The following PRPF6 variants were observed in gnomAD, a reference collection of about 807,000 sequenced individuals.
The protein encoded by PRPF6 is pre-mRNA processing factor 6.
A neutral mutation model predicts 118.3 loss-of-function variants in PRPF6; 42 were observed. The ratio of observed to expected loss-of-function variants is 0.35; its 90% CI spans 0.28 to 0.46. The LOEUF (loss-of-function observed/expected upper bound fraction) is 0.46. PRPF6 is among the 20% of genes least tolerant of loss of function. The pLI, the probability that PRPF6 is intolerant of heterozygous loss-of-function variation, is 1.00. For missense variants in PRPF6, 662 were observed against 1,255.7 expected, an observed-to-expected ratio of 0.53 and a Z score of 7.15; for synonymous variants, 481 against 485.1, an observed-to-expected ratio of 0.99 and a Z score of 0.11.
At position 64,011,078 on chromosome 20, in the gene PRPF6, G is replaced by A. The variant is rs762591217; in HGVS notation, c.1306-207G>A. 6.6e-6 allele frequency among the ~76,000 whole-genome samples: 1 copy of A among 152,198 alleles called. No homozygotes were observed. The highest frequency in any genetic ancestry group is 1.9e-4 in the East Asian group (1 of 5,204). On this transcript the variant is annotated intron_variant, in intron 10 of 20. Transcript: ENST00000266079. This position sits in a 1 kb window ranked among gnomAD's most constrained non-coding sequence, Gnocchi z 6.7. Reference sequence around the variant, plus strand: ...CAACTGAGAATCTTTTGATGCTCACGAGAGTCACTAAATGAGTCAGAAGCA... The same window carrying A: ...CAACTGAGAATCTTTTGATGCTCACAAGAGTCACTAAATGAGTCAGAAGCA...
At chr20:64,016,236 C>T (rs1359978294) in intron 11 of PRPF6, among the ~76,000 whole-genome samples, 1 of 151,950 alleles carries the variant, frequency 6.6e-6, no homozygotes, top group Non-Finnish European at 1.5e-5. Flanking sequence ...ATTCTCCTGC[C>T]TCGGCCTCCC....
chr20:64,004,074 C>T (rs1453882665), intron 9 of PRPF6, among the ~76,000 whole-genome samples: 1 of 152,182 alleles, frequency 6.6e-6, no homozygotes, highest in Non-Finnish European at 1.5e-5. Flanking sequence ...TTCTTCCTGC[C>T]ACAGTTTGAT....
At chr20:64,008,227 C>T (rs567038041) in intron 9 of PRPF6, among the ~76,000 whole-genome samples, 1 of 152,258 alleles carries the variant, frequency 6.6e-6, no homozygotes, top group South Asian at 2.1e-4. Flanking sequence ...TGAACATTGC[C>T]GTTTGGTTGA....
chr20:63,985,683 A>G (rs116930546), intron 3 of PRPF6, among the ~76,000 whole-genome samples: 2,098 of 152,360 alleles, frequency 0.014, 17 homozygotes, highest in Non-Finnish European at 0.021. Flanking sequence ...AATGACACAT[A>G]CAAGCTACCA....
intron 11 of PRPF6, among the ~76,000 whole-genome samples, chr20:64,016,127 T>TC (rs1301542365): frequency 1.8e-4 from 28 of 151,926 alleles, no homozygotes; most frequent in African/African-American, 6.7e-4. Context: ...CTCTCTCTTT[T>TC]TTTTTTTTTT....
chr20:64,003,798 C>T (rs2059178259), intron 9 of PRPF6, among the ~76,000 whole-genome samples: 1 of 152,054 alleles, frequency 6.6e-6, no homozygotes, highest in African/African-American at 2.4e-5. Flanking sequence ...TGGGGTTTCA[C>T]CATGTTAGCC....
intron 13 of PRPF6, among the ~76,000 whole-genome samples, chr20:64,023,444 C>G (rs998267284): frequency 6.6e-6 from 1 of 152,210 alleles, no homozygotes; most frequent in Non-Finnish European, 1.5e-5. Flanking sequence ...GCATTGGGCT[C>G]GTGTCCCCAC....
At chr20:63,989,354 G>A (rs918619151) in intron 3 of PRPF6, among the ~76,000 whole-genome samples, 1 of 152,014 alleles carries the variant, frequency 6.6e-6, no homozygotes, top group Non-Finnish European at 1.5e-5. Flanking sequence ...CACAGGCAAC[G>A]AACGGAAGCC....
At chr20:64,030,024 G>A (rs559800112) in intron 19 of PRPF6, among the ~76,000 whole-genome samples, 3 of 152,372 alleles carry the variant, frequency 2.0e-5, no homozygotes, top group South Asian at 2.1e-4. Flanking sequence ...CACTGGGGAC[G>A]TGACTCTGGA....
chr20:63,981,647 C>CT (rs1168641472), intron 1 of PRPF6, among the ~76,000 whole-genome samples: 1 of 140,116 alleles, frequency 7.1e-6, no homozygotes, highest in Non-Finnish European at 1.6e-5. Context: ...TGACACTCCC[C>CT]CCCCCCGCCC....
At position 63,994,848 on chromosome 20, in the gene PRPF6, C is replaced by T. The variant is rs2059134305; in HGVS notation, c.439-68C>T. 19 of 1,597,966 alleles carry T rather than the reference C, an allele frequency of 1.2e-5. No homozygotes were observed. In the South Asian group the frequency reaches 2.1e-4, roughly 18 times the overall value. ...TCTGGAGGCTAGGGGTGAGAGAGGG[C>T]ATGGTCCTACCTGGGCACATGAAAT... On this transcript the variant is annotated intron_variant, in intron 4 of 20. Transcript: ENST00000266079.
Position 63,999,743 on chromosome 20 carries a change from C to G in PRPF6, c.1007C>G (p.Thr336Arg). The G allele has an allele frequency of 6.2e-7, 1 of 1,614,140 alleles. No homozygotes were observed. Among genetic ancestry groups the G allele is most frequent in the Non-Finnish European group, 8.5e-7 (1 of 1,180,012 alleles). The stretch of plus-strand genomic sequence containing the variant: ...GCTCGGAACCTTATCATGAAGGGGA[C>G]GGAGATGTGCCCCAAGGTGAGGTAT... ...QVARNLIMKG[T>R]EMCPKSEDVW... The change falls in exon 8 of 21, where the codon ACG (threonine) becomes AGG (arginine). Residue 336 changes from threonine (T) to arginine (R), a missense_variant. Transcript: ENST00000266079.
At chr20:64,020,528 T>C (rs1399911451) in intron 12 of PRPF6, among the ~76,000 whole-genome samples, 1 of 152,200 alleles carries the variant, frequency 6.6e-6, no homozygotes, top group Non-Finnish European at 1.5e-5. Context: ...CCAGGTGTCA[T>C]GATCGCCAGT....
At chr20:64,002,971 G>A (rs1476033375) in intron 9 of PRPF6, among the ~76,000 whole-genome samples, 4 of 148,550 alleles carry the variant, frequency 2.7e-5, no homozygotes, top group Non-Finnish European at 4.5e-5. Context: ...TTGAGACAGC[G>A]TCTTGCTCTG....
intron 19 of PRPF6, 135 bp from the exon 20 acceptor site, chr20:64,031,783 A>C (rs7260907): frequency 0.12 from 148,373 of 1,193,688 alleles, 10,357 homozygotes; most frequent in South Asian, 0.22. Flanking sequence ...CGAGGCCCTG[A>C]TCCTCAGGCC....
Position 64,029,606 on chromosome 20 carries a change from C to T in PRPF6, c.2546+115C>T. ...AGATGCCCGGCAGCAGGGTGGGCTT[C>T]CCCGATCCTCGGCTGCCGTCGCTCC... On this transcript the variant is annotated intron_variant, in intron 19 of 20. Coordinates refer to ENST00000266079, the MANE Select transcript of PRPF6 (RefSeq NM_012469.4). The surrounding 1 kb of genome is among the most constrained non-coding windows in gnomAD (Gnocchi z 4.8). 1.1e-6 allele frequency: 1 copy of T among 935,812 alleles called. No homozygotes were observed. The highest frequency in any genetic ancestry group is 2.6e-5 in the East Asian group (1 of 38,624). 58.0% of individuals were successfully genotyped at this position (935,812 alleles called of 1,614,324 possible).
chr20:63,984,641 G>A (rs139963685), intron 2 of PRPF6, among the ~76,000 whole-genome samples: 182 of 152,204 alleles, frequency 1.2e-3, no homozygotes, highest in African/African-American at 4.0e-3. Flanking sequence ...ATGAATGTCC[G>A]CTTTCTGGCT....
chr20:63,987,637 T>C (rs1410954541), intron 3 of PRPF6, among the ~76,000 whole-genome samples: 1 of 152,206 alleles, frequency 6.6e-6, no homozygotes, highest in Admixed American at 6.5e-5. Flanking sequence ...TAAAAGGGCA[T>C]CCAGATTGGA....
At chr20:63,995,609 C>G in intron 6 of PRPF6, 127 bp downstream of exon 6, 2 of 1,120,486 alleles carry the variant, frequency 1.8e-6, no homozygotes. Flanking sequence ...CCTTCTTCTC[C>G]TTCTCCTTTT....
Sources: gnomAD v4.1 joint callset for allele counts (sites outside exome capture counted in the v4.1 genomes callset) on GRCh38, gnomAD v4.1.1 for gene constraint, Gnocchi (gnomAD v3.1) non-coding constraint, MANE v1.5 for transcripts, NCBI Gene and HGNC (gene_info 2026-07-23, HGNC 2026-07-21) for gene names.